Variants in CDC42BPA observed in about 807,000 individuals in gnomAD.
CDC42BPA encodes CDC42 binding protein kinase alpha.
In CDC42BPA, 80 loss-of-function variants were observed where a neutral mutation model predicts 223.5. The observed-to-expected ratio is 0.36, with a 90% confidence interval of 0.30 to 0.43. The LOEUF (loss-of-function observed/expected upper bound fraction) is 0.43, where lower values mean the gene tolerates loss of function less well. Among genes scored for constraint, CDC42BPA ranks in the 20% least tolerant of loss-of-function variants. The probability of loss-of-function intolerance (pLI) is 1.00; values close to 1 mark genes in which losing one functional copy is unlikely to be tolerated. For missense variants in CDC42BPA, 1,743 were observed against 2,099.9 expected (o/e 0.83, Z 3.32); for synonymous variants, 694 against 718.6 (o/e 0.97, Z 0.55).
intron 35 of CDC42BPA, among the ~76,000 whole-genome samples, chr1:226,996,719 T>G (rs1661694041): frequency 6.6e-6 from 1 of 152,240 alleles, no homozygotes; most frequent in African/African-American, 2.4e-5. Flanking sequence ...GAGATAATCA[T>G]GTGGTTTTTG....
intron 1 of CDC42BPA, among the ~76,000 whole-genome samples, chr1:227,277,417 A>T (rs1189767542): frequency 6.6e-6 from 1 of 152,222 alleles, no homozygotes; most frequent in Non-Finnish European, 1.5e-5. Context: ...AGGACAGCAT[A>T]ATGTTAATAC....
rs556300361 is a variant in CDC42BPA at position 227,052,035 on chromosome 1, C to A, written c.2905-50G>T. ...AAAAACCCAAAAAATCACTTTTCAA[C>A]AATGTGCAGGCTTAGCAAATTTCTG... On this transcript the variant is annotated intron_variant, in intron 21 of 36. Transcript: ENST00000366766. 1,189 of 1,151,822 alleles carry A rather than the reference C, an allele frequency of 1.0e-3. 3 individuals are homozygous for A. The highest frequency in any genetic ancestry group is 1.3e-3 in the Non-Finnish European group (1,112 of 827,238). The allele number at this position is 1,151,822 out of a possible 1,614,324, so 71.4% of individuals were successfully genotyped here.
intron 5 of CDC42BPA, among the ~76,000 whole-genome samples, chr1:227,165,438 A>T (rs77674421): frequency 6.6e-6 from 1 of 150,960 alleles, no homozygotes; most frequent in East Asian, 1.9e-4. Context: ...TTTAGTACAC[A>T]TAAAAGGAAA....
intron 2 of CDC42BPA, among the ~76,000 whole-genome samples, chr1:227,246,297 T>C (rs1680937625): frequency 1.3e-5 from 2 of 152,114 alleles, no homozygotes; most frequent in African/African-American, 4.8e-5. Flanking sequence ...GTAGTAAAAA[T>C]AAAACATCAG....
chr1:227,016,148 T>G lies in CDC42BPA; in HGVS notation c.4789A>C (p.Thr1597Pro). 6.2e-7 allele frequency: 1 copy of G among 1,605,098 alleles called. No individual in the cohort carries two copies. Among genetic ancestry groups the G allele is most frequent in the Non-Finnish European group, 8.5e-7 (1 of 1,172,048 alleles). The change falls in exon 34 of 37, where the codon ACT becomes CCT. Residue 1597 changes from threonine (T) to proline (P), a missense_variant. Around this residue, in one of 6 missense-constraint regions of CDC42BPA, gnomAD observed 44 missense variants for 81.0 expected, o/e 0.54. Coordinates refer to ENST00000366766, the MANE Select transcript of CDC42BPA (RefSeq NM_001394014.1). ...ATGTGTGCTATGTGATTAAAATTAG[T>G]TGGATTAGAAATTAATTTATTTCTC... The part of the protein sequence containing the change: ...EMRNKLISNP[T>P]NFNHIAHMGP...
intron 33 of CDC42BPA, 49 bp downstream of exon 33, chr1:227,016,878 C>T: frequency 6.5e-7 from 1 of 1,549,840 alleles, no homozygotes; most frequent in Non-Finnish European, 8.7e-7. Context: ...ACCGAGTAGT[C>T]CTTGATGGTA....
intron 2 of CDC42BPA, among the ~76,000 whole-genome samples, chr1:227,233,326 C>T (rs1175816975): frequency 6.6e-6 from 1 of 152,162 alleles, no homozygotes; most frequent in African/African-American, 2.4e-5. Context: ...CATGAGCCAC[C>T]ACGCCCGGCC....
chr1:227,021,605 C>A (rs1305607169), intron 32 of CDC42BPA, among the ~76,000 whole-genome samples: 2 of 151,386 alleles, frequency 1.3e-5, no homozygotes, highest in African/African-American at 4.9e-5. Context: ...AACACACCAA[C>A]AAAATAAAAC....
At chr1:227,265,975 G>C (rs1000638502) in intron 1 of CDC42BPA, among the ~76,000 whole-genome samples, 3 of 152,116 alleles carry the variant, frequency 2.0e-5, no homozygotes, top group African/African-American at 7.2e-5. Context: ...AGTCCGCTTT[G>C]TTCACTATTT....
chr1:227,297,412 GACCC>G (rs139031891), intron 1 of CDC42BPA, among the ~76,000 whole-genome samples: 8,197 of 152,192 alleles, frequency 0.054, 243 homozygotes, highest in Non-Finnish European at 0.073. Flanking sequence ...ATTACTATAT[GACCC>G]AGAAATATCA....
intron 1 of CDC42BPA, among the ~76,000 whole-genome samples, chr1:227,258,182 A>AAAG (rs1683428532): frequency 6.7e-6 from 1 of 149,896 alleles, no homozygotes; most frequent in African/African-American, 2.5e-5. Context: ...CCGGGAAAAA[A>AAAG]AAAAAAAAAA....
chr1:227,246,966 C>T (rs565222750), intron 2 of CDC42BPA, among the ~76,000 whole-genome samples: 11 of 152,096 alleles, frequency 7.2e-5, no homozygotes, highest in African/African-American at 1.7e-4. Context: ...CATGGGAGGC[C>T]GAGGTGGGTG....
intron 5 of CDC42BPA, among the ~76,000 whole-genome samples, chr1:227,184,657 C>T (rs976432610): frequency 6.6e-6 from 1 of 151,942 alleles, no homozygotes; most frequent in South Asian, 2.1e-4. Flanking sequence ...GTTCTATTGC[C>T]TTTCCATATA....
At position 226,994,886 on chromosome 1, in the gene CDC42BPA, G is replaced by A. The variant is rs1661307097; in HGVS notation, c.5070C>T (p.Gly1690=). ...GGTCCATGCCTCCAGAGGACAAAGA[G>A]CCCTCTGACGGGGAGGGCATGGGCT... ...KRQPMPSPSE[G]SLSSGGMDQG... The change falls in exon 36 of 37, where the codon GGC becomes GGT. Residue 1690 remains glycine (G), a synonymous_variant. Transcript: ENST00000366766. The surrounding 1 kb of genome is among the most constrained non-coding windows in gnomAD (Gnocchi z 4.0). 6.2e-7 allele frequency: 1 copy of A among 1,614,036 alleles called. No homozygotes were observed. Among genetic ancestry groups the A allele is most frequent in the Non-Finnish European group, 8.5e-7 (1 of 1,179,926 alleles).
intron 4 of CDC42BPA, among the ~76,000 whole-genome samples, chr1:227,195,866 T>C (rs1670592365): frequency 6.6e-6 from 1 of 152,192 alleles, no homozygotes; most frequent in African/African-American, 2.4e-5. Flanking sequence ...AGGTCAAGGA[T>C]ATAATCCTAA....
At chr1:227,154,187 T>C (rs541507717) in intron 6 of CDC42BPA, among the ~76,000 whole-genome samples, 1 of 152,100 alleles carries the variant, frequency 6.6e-6, no homozygotes, top group African/African-American at 2.4e-5. Flanking sequence ...ATCATCTTGA[T>C]GGATGCAGAG....
intron 23 of CDC42BPA, among the ~76,000 whole-genome samples, chr1:227,041,522 A>G (rs760851657): frequency 1.4e-4 from 21 of 152,204 alleles, no homozygotes; most frequent in Non-Finnish European, 2.6e-4. Context: ...ACAAAAAACT[A>G]AAGGGAATAT....
chr1:227,028,141 C>G (rs975214500), intron 30 of CDC42BPA, among the ~76,000 whole-genome samples: 25 of 149,718 alleles, frequency 1.7e-4, no homozygotes, highest in African/African-American at 5.9e-4. Flanking sequence ...AAAAAGTATT[C>G]AATAATTTAT....
intron 34 of CDC42BPA, among the ~76,000 whole-genome samples, chr1:227,010,080 G>A (rs1664874113): frequency 6.6e-6 from 1 of 152,092 alleles, no homozygotes; most frequent in African/African-American, 2.4e-5. Flanking sequence ...TTCCCTTGAA[G>A]TTACTGTAAG....
Sources: allele counts gnomAD v4.1 joint callset (sites outside exome capture counted in the v4.1 genomes callset), GRCh38; gene constraint gnomAD v4.1.1; regional missense constraint gnomAD v4.1.1; non-coding constraint Gnocchi (gnomAD v3.1); transcripts MANE v1.5; gene names NCBI Gene and HGNC (gene_info 2026-07-23, HGNC 2026-07-21).